SLC25A12: variants seen among roughly 807,000 people sequenced by gnomAD.
SLC25A12 encodes solute carrier family 25 member 12.
In SLC25A12, 32 loss-of-function variants were observed where a neutral mutation model predicts 83.3. The ratio of observed to expected loss-of-function variants is 0.38; its 90% CI spans 0.29 to 0.52. SLC25A12 has a LOEUF of 0.52. Among genes scored for constraint, SLC25A12 ranks in the 20% least tolerant of loss-of-function variants. The pLI is 0.84. For missense variants in SLC25A12, 611 were observed against 835.6 expected (o/e 0.73, Z 3.31); for synonymous variants, 267 against 291.1 (o/e 0.92, Z 0.84).
In SLC25A12 at chr2:171,791,443, G is replaced by A. The variant is rs1683455253; in HGVS notation, c.1585+8C>T. 2 of 1,612,906 alleles carry A rather than the reference G, an allele frequency of 1.2e-6. No individual in the cohort carries two copies. The highest frequency in any genetic ancestry group is 8.5e-7 in the Non-Finnish European group (1 of 1,179,088). On this transcript the variant is annotated splice_region_variant and intron_variant, in intron 15 of 17. Coordinates refer to ENST00000422440, the MANE Select transcript of SLC25A12 (RefSeq NM_003705.5). ...AATTCTTTCAGTTAAAAAAAAATTTGTAGTTACCTGCCATGGCTCCAGCTG... is the reference window on the plus strand; with the variant it reads ...AATTCTTTCAGTTAAAAAAAAATTTATAGTTACCTGCCATGGCTCCAGCTG...
intron 2 of SLC25A12, among the ~76,000 whole-genome samples, chr2:171,881,420 A>C (rs1685692098): frequency 6.6e-6 from 1 of 152,120 alleles, no homozygotes; most frequent in Non-Finnish European, 1.5e-5. Flanking sequence ...CCAAAGTGCT[A>C]GGATTACAGG....
At chr2:171,836,986 AC>A (rs1684572989) in intron 6 of SLC25A12, 134 bp downstream of exon 6, 1 of 780,768 alleles carries the variant, frequency 1.3e-6, no homozygotes, top group South Asian at 1.6e-5. Context: ...ACACACACAA[AC>A]CTGTTTACTT....
chr2:171,793,658 A>G lies in SLC25A12; in HGVS notation c.1415T>C (p.Leu472Pro), dbSNP rs1459605498. The change falls in exon 14 of 18, where the codon CTC (leucine) becomes CCC (proline). Residue 472 changes from leucine (L) to proline (P), a missense_variant. Physicochemically the swap from Leu to Pro is moderately conservative, Grantham distance 98 (BLOSUM62 -3). Transcript: ENST00000422440. The stretch of plus-strand genomic sequence containing the variant: ...CAGACCAAAAATTCCCAAGTCCCGG[A>G]GCACATTCAGGGCGCTGACTCTGGG... ...TGPRVSALNV[L>P]RDLGIFGLYK... is the part of the protein sequence containing the mutation. The G allele has an allele frequency of 3.1e-6, 5 of 1,614,170 alleles. No individual in the cohort carries two copies. Among genetic ancestry groups the G allele is most frequent in the Non-Finnish European group, 4.2e-6 (5 of 1,180,022 alleles).
rs118088604 is a variant in SLC25A12 at position 171,799,194 on chromosome 2, T to C, written c.1306-5427A>G. ...CCTCCAGAATTGTGAGCAATAAATT[T>C]CTGTTGTTTATAAATTACTCCATCG... On this transcript the variant is annotated intron_variant, in intron 13 of 17. Coordinates refer to ENST00000422440, the MANE Select transcript of SLC25A12 (RefSeq NM_003705.5). 1.2e-3 allele frequency among the ~76,000 whole-genome samples: 188 copies of C among 152,300 alleles called. 3 individuals are homozygous for C. Among genetic ancestry groups the C allele is most frequent in the East Asian group, 0.012 (62 of 5,190 alleles).
intron 3 of SLC25A12, among the ~76,000 whole-genome samples, 166 bp downstream of exon 3, chr2:171,868,505 GGTTTCTCCAT>G (rs1685390334): frequency 6.6e-6 from 1 of 151,570 alleles, no homozygotes; most frequent in Non-Finnish European, 1.5e-5. Context: ...GTAGAGACAG[GGTTTCTCCAT>G]GTTGGTCAGG....
rs781695098 is a variant in SLC25A12, at chr2:171,894,206, G to C, written c.9C>G (p.Val3=). MA[V]KVQTTKRGDP... ...AGCAGCAGAGAGTTGGAGTCACCTT[G>C]ACCGCCATGCTGTGCTCGGAAGCCG... is the stretch of plus-strand genomic sequence containing the variant. The change falls in exon 1 of 18, where the codon GTC becomes GTG. Residue 3 remains valine, a synonymous_variant. Coordinates refer to ENST00000422440, the MANE Select transcript of SLC25A12 (RefSeq NM_003705.5). 3.1e-6 allele frequency: 5 copies of C among 1,608,954 alleles called. No homozygotes were observed. The highest frequency in any genetic ancestry group is 2.5e-6 in the Non-Finnish European group (3 of 1,177,902).
In SLC25A12 at chr2:171,785,266, T is replaced by C. The variant is rs371474141; in HGVS notation, c.*8A>G. ...GGCGCCATTTTGCCACACTCAACAG[T>C]TGTCTCATCACTGAGTGGCTGCCAC... On this transcript the variant is annotated 3_prime_UTR_variant, in exon 18 of 18. Transcript: ENST00000422440. The C allele has an allele frequency of 1.2e-5, 20 of 1,613,880 alleles. No homozygotes were observed. Among genetic ancestry groups the C allele is most frequent in the Non-Finnish European group, 1.4e-5 (17 of 1,179,950 alleles).
intron 4 of SLC25A12, among the ~76,000 whole-genome samples, chr2:171,853,243 G>A (rs1684971093): frequency 6.6e-6 from 1 of 152,168 alleles, no homozygotes; most frequent in Non-Finnish European, 1.5e-5. Context: ...ATGAAAGCAA[G>A]ATTCTTGAGG....
At chr2:171,879,178 A>G (rs927832463) in intron 2 of SLC25A12, among the ~76,000 whole-genome samples, 7 of 152,236 alleles carry the variant, frequency 4.6e-5, no homozygotes, top group African/African-American at 1.2e-4. Flanking sequence ...AATTTTTCCA[A>G]TGTTACTCAA....
At chr2:171,857,522 A>C (rs1391771029) in intron 3 of SLC25A12, among the ~76,000 whole-genome samples, 2 of 151,918 alleles carry the variant, frequency 1.3e-5, no homozygotes, top group Non-Finnish European at 2.9e-5. Context: ...CCATCTCTAC[A>C]AAAAATACAA....
chr2:171,876,265 C>T (rs925696717), intron 2 of SLC25A12, among the ~76,000 whole-genome samples: 1 of 152,060 alleles, frequency 6.6e-6, no homozygotes, highest in Non-Finnish European at 1.5e-5. Flanking sequence ...AGGAAAAAAG[C>T]ATAAGTTTTC....
chr2:171,831,522 T>C (rs1684430864), intron 8 of SLC25A12, among the ~76,000 whole-genome samples: 1 of 152,190 alleles, frequency 6.6e-6, no homozygotes, highest in African/African-American at 2.4e-5. Flanking sequence ...AGTAGAATGC[T>C]TAATTACTTA....
chr2:171,884,876 G>T (rs907257230), intron 2 of SLC25A12, among the ~76,000 whole-genome samples: 3 of 152,020 alleles, frequency 2.0e-5, no homozygotes, highest in African/African-American at 4.8e-5. Context: ...TATAAAGGTA[G>T]AACCTAGTAC....
At chr2:171,833,163 C>T (rs1684479462) in intron 8 of SLC25A12, among the ~76,000 whole-genome samples, 1 of 152,118 alleles carries the variant, frequency 6.6e-6, no homozygotes. Context: ...ATGATGCCTG[C>T]CCTGGCCATC....
At chr2:171,881,927 CT>C (rs1303047829) in intron 2 of SLC25A12, among the ~76,000 whole-genome samples, 1 of 152,044 alleles carries the variant, frequency 6.6e-6, no homozygotes, top group Non-Finnish European at 1.5e-5. Context: ...AAAAATTTTT[CT>C]GAAGAAAAAA....
At chr2:171,827,030 A>G in intron 8 of SLC25A12, 148 bp from the exon 9 acceptor site, 3 of 649,808 alleles carry the variant, frequency 4.6e-6, no homozygotes, top group Non-Finnish European at 8.3e-6. Flanking sequence ...TAGTGAAATA[A>G]AAACCTTTTA....
intron 4 of SLC25A12, among the ~76,000 whole-genome samples, chr2:171,849,169 G>T (rs1167727779): frequency 6.6e-6 from 1 of 152,060 alleles, no homozygotes; most frequent in African/African-American, 2.4e-5. Flanking sequence ...CACCCTGGGC[G>T]ACACAGCAAG....
In SLC25A12 at chr2:171,834,745, C is replaced by G; in HGVS notation, c.733G>C (p.Asp245His). Residue 245 changes from aspartate to histidine, a missense_variant, in exon 7 of 18, where the codon GAT becomes CAT. By Grantham distance (81) the Asp-to-His change is moderately conservative. Coordinates refer to ENST00000422440, the MANE Select transcript of SLC25A12 (RefSeq NM_003705.5). ...ATCTTACCCTTTGTGACTTCAACATCTTTCCTTGTGCCAGCTAGAGTGCTA... is the reference window on the plus strand; with the variant it reads ...ATCTTACCCTTTGTGACTTCAACATGTTTCCTTGTGCCAGCTAGAGTGCTA... Reference protein sequence around the residue: ...IYSTLAGTRKDVEVTKEEFAQ... With the variant: ...IYSTLAGTRKHVEVTKEEFAQ... The G allele has an allele frequency of 6.2e-7, 1 of 1,613,658 alleles. No homozygotes were observed. Among genetic ancestry groups the G allele is most frequent in the Non-Finnish European group, 8.5e-7 (1 of 1,179,944 alleles).
chr2:171,835,316 C>T (rs1027577883), intron 6 of SLC25A12, among the ~76,000 whole-genome samples: 20 of 152,148 alleles, frequency 1.3e-4, no homozygotes, highest in African/African-American at 4.8e-4. Context: ...AATTTTAAGA[C>T]AATTTTATTA....
Sources: gnomAD v4.1 joint callset for allele counts (sites outside exome capture counted in the v4.1 genomes callset) on GRCh38, gnomAD v4.1.1 for gene constraint, MANE v1.5 for transcripts, NCBI Gene and HGNC (gene_info 2026-07-23, HGNC 2026-07-21) for gene names.